DCDC2C: variants seen among roughly 807,000 people sequenced by gnomAD.
DCDC2C encodes doublecortin domain-containing protein 2C.
DCDC2C carries 44 observed loss-of-function variants against 45.0 expected under a neutral mutation model. The observed-to-expected ratio is 0.98, with a 90% confidence interval of 0.77 to 1.26. The LOEUF (loss-of-function observed/expected upper bound fraction) is 1.26. Ranked by LOEUF, DCDC2C falls within the 50% of genes most tolerant of loss-of-function variation. The pLI, the probability that DCDC2C is intolerant of heterozygous loss-of-function variation, is 0.00. For missense variants in DCDC2C, 447 were observed against 468.9 expected (o/e 0.95, Z 0.43); for synonymous variants, 187 against 178.8 (o/e 1.05, Z -0.37).
chr2:3,790,842 T>C (rs934331857), intron 10 of DCDC2C, among the ~76,000 whole-genome samples: 21 of 152,138 alleles, frequency 1.4e-4, no homozygotes, highest in African/African-American at 5.1e-4. Context: ...GGCGCGGTGG[T>C]TCATGCCTGT....
At chr2:3,794,458 G>A (rs1172693411) in intron 10 of DCDC2C, among the ~76,000 whole-genome samples, 1 of 152,104 alleles carries the variant, frequency 6.6e-6, no homozygotes, top group Non-Finnish European at 1.5e-5. Context: ...CTGGTGCGCT[G>A]CACCCATTAA....
chr2:3,827,444 T>C (rs1004851627), intron 10 of DCDC2C, among the ~76,000 whole-genome samples: 1 of 152,110 alleles, frequency 6.6e-6, no homozygotes, highest in Non-Finnish European at 1.5e-5. Context: ...GTGATCTTCA[T>C]GCTGTTCTCT....
intron 4 of DCDC2C, among the ~76,000 whole-genome samples, chr2:3,749,741 C>T (rs1422429597): frequency 3.9e-5 from 6 of 152,180 alleles, no homozygotes; most frequent in East Asian, 3.8e-4. Flanking sequence ...CTCCACTCAG[C>T]GGGCATCTCC....
chr2:3,754,957 G>A (rs1232897881), intron 6 of DCDC2C, among the ~76,000 whole-genome samples: 5 of 152,240 alleles, frequency 3.3e-5, no homozygotes, highest in African/African-American at 1.2e-4. Flanking sequence ...ACTGACTCAA[G>A]CTTGGCATGA....
At chr2:3,845,852 C>G (rs1672314979) in intron 10 of DCDC2C, among the ~76,000 whole-genome samples, 2 of 152,200 alleles carry the variant, frequency 1.3e-5, no homozygotes, top group Admixed American at 1.3e-4. Flanking sequence ...CTGTGCTCCA[C>G]CATTTGTTGA....
chr2:3,784,793 C>T (rs187554794), intron 9 of DCDC2C, among the ~76,000 whole-genome samples: 1 of 152,044 alleles, frequency 6.6e-6, no homozygotes, highest in East Asian at 1.9e-4. Flanking sequence ...GTATGACATG[C>T]GCCTTTTGCA....
At chr2:3,759,408 C>T (rs573689085) in intron 6 of DCDC2C, among the ~76,000 whole-genome samples, 1 of 152,268 alleles carries the variant, frequency 6.6e-6, no homozygotes, top group African/African-American at 2.4e-5. Context: ...AATGGCACTT[C>T]CTTTCTTTCT....
At chr2:3,768,765 G>A (rs1399919081) in intron 7 of DCDC2C, among the ~76,000 whole-genome samples, 3 of 152,008 alleles carry the variant, frequency 2.0e-5, no homozygotes, top group African/African-American at 7.3e-5. Flanking sequence ...GTAGAGACAG[G>A]GTTTCTCCAT....
intron 10 of DCDC2C, among the ~76,000 whole-genome samples, chr2:3,829,292 T>A (rs1198620732): frequency 6.6e-6 from 1 of 151,802 alleles, no homozygotes; most frequent in East Asian, 1.9e-4. Flanking sequence ...TTCTTTTTTT[T>A]TTTTTTTTGC....
intron 2 of DCDC2C, among the ~76,000 whole-genome samples, chr2:3,723,731 G>A (rs1433587424): frequency 1.3e-5 from 2 of 152,282 alleles, no homozygotes; most frequent in East Asian, 1.9e-4. Context: ...AAGGGTCCGT[G>A]GTGTGGCTTT....
At chr2:3,717,599 A>G (rs1407906943) in intron 2 of DCDC2C, among the ~76,000 whole-genome samples, 3 of 151,992 alleles carry the variant, frequency 2.0e-5, no homozygotes, top group South Asian at 2.1e-4. Context: ...CCTTGCTTCC[A>G]ACCTTGTCCC....
At chr2:3,769,081 G>A (rs114615240) in intron 7 of DCDC2C, 2 of 480,912 alleles carry the variant, frequency 4.2e-6, no homozygotes, top group African/African-American at 3.9e-5. Flanking sequence ...AGAGACAAAA[G>A]CAGACGGGGC....
chr2:3,797,726 T>G (rs1297261889), intron 10 of DCDC2C, among the ~76,000 whole-genome samples: 1 of 152,128 alleles, frequency 6.6e-6, no homozygotes, highest in Non-Finnish European at 1.5e-5. Context: ...TGCACTGTGG[T>G]CTGAGAGATA....
chr2:3,803,666 T>C lies in DCDC2C; in HGVS notation c.1065+18566T>C, dbSNP rs554484642. Among the ~76,000 whole-genome samples the C allele has an allele frequency of 5.9e-5, 9 of 152,344 alleles. No homozygotes were observed. The South Asian group carries it at 1.9e-3, about 32-fold the overall frequency. On this transcript the variant is annotated intron_variant, in intron 10 of 10. Transcript: ENST00000399143. The stretch of plus-strand genomic sequence containing the variant: ...TGTCCTAAGCCAGCAGACACCTTCG[T>C]CCTCTTCTCCATCAATCACGCCTTT...
chr2:3,733,162 C>A (rs1283017697), intron 3 of DCDC2C, among the ~76,000 whole-genome samples: 3 of 152,122 alleles, frequency 2.0e-5, no homozygotes, highest in African/African-American at 7.2e-5. Context: ...ATATTGGCTG[C>A]TGGGCCTCTG....
intron 6 of DCDC2C, among the ~76,000 whole-genome samples, chr2:3,758,216 A>G (rs1669776827): frequency 6.6e-6 from 1 of 152,156 alleles, no homozygotes; most frequent in Non-Finnish European, 1.5e-5. Flanking sequence ...TATGGAGGGC[A>G]TGTTCCCACA....
intron 10 of DCDC2C, among the ~76,000 whole-genome samples, chr2:3,834,208 G>A (rs189352788): frequency 2.9e-4 from 43 of 150,454 alleles, no homozygotes; most frequent in East Asian, 1.4e-3. Context: ...ATCATCACCC[G>A]AGTCCACAGT....
rs11683890 is a variant in DCDC2C at position 3,768,965 on chromosome 2, A to C, written c.854-346A>C. 7.3e-3 allele frequency: 1,492 copies of C among 205,606 alleles called. 22 individuals are homozygous for C. The highest frequency in any genetic ancestry group is 0.031 in the African/African-American group (1,386 of 44,096). The allele number at this position is 205,606 out of a possible 1,614,324, so 12.7% of individuals were successfully genotyped here. On this transcript the variant is annotated intron_variant, in intron 7 of 10. Transcript: ENST00000399143. ...TATTTCTAACGGAATTAACTGGACCAAGGCTTGGTGGACACAGGCCTTCCC... is the reference window on the plus strand; with the variant it reads ...TATTTCTAACGGAATTAACTGGACCCAGGCTTGGTGGACACAGGCCTTCCC...
chr2:3,703,611 C>T lies in DCDC2C; in HGVS notation c.-141C>T. ...GTCCCCGTCCAGCCCCCGTCCCGTC[C>T]CCGTCCCGTCCCCGTCCTGCGCCAG... On this transcript the variant is annotated 5_prime_UTR_variant, in exon 1 of 11. Transcript: ENST00000399143. The surrounding 1 kb of genome is among the most constrained non-coding windows in gnomAD (Gnocchi z 4.4). The T allele has an allele frequency of 4.8e-6, 4 of 832,470 alleles. No homozygotes were observed. Among genetic ancestry groups the T allele is most frequent in the Non-Finnish European group, 6.3e-6 (4 of 633,310 alleles). The allele number at this position is 832,470 out of a possible 1,614,324, so 51.6% of individuals were successfully genotyped here.
Sources: gnomAD v4.1 joint callset for allele counts (sites outside exome capture counted in the v4.1 genomes callset) on GRCh38, gnomAD v4.1.1 for gene constraint, Gnocchi (gnomAD v3.1) non-coding constraint, MANE v1.5 for transcripts, NCBI Gene and HGNC (gene_info 2026-07-23, HGNC 2026-07-21) for gene names.